Variants in USP12 observed in about 807,000 individuals in gnomAD.
The protein encoded by USP12 is ubiquitin carboxyl-terminal hydrolase 12.
Under a neutral mutation model 45.5 loss-of-function variants are expected in USP12, and 19 were observed. The observed-to-expected ratio is 0.42, with a 90% CI of 0.29 to 0.61. USP12 has a LOEUF of 0.61. USP12 is among the 20% of genes least tolerant of loss of function. The pLI, the probability that USP12 is intolerant of heterozygous loss-of-function variation, is 0.22. For synonymous variants in USP12, 149 were observed against 148.8 expected, an observed-to-expected ratio of 1.00 and a Z score of -0.01; for missense variants, 242 against 447.7, an observed-to-expected ratio of 0.54 and a Z score of 4.15.
At chr13:27,103,563 C>T (rs1349381041) in intron 3 of USP12, among the ~76,000 whole-genome samples, 3 of 135,100 alleles carry the variant, frequency 2.2e-5, no homozygotes, top group African/African-American at 8.2e-5. Context: ...TTCAATCTGC[C>T]TAAATACAAA....
At chr13:27,149,573 T>C (rs1157089196) in intron 1 of USP12, among the ~76,000 whole-genome samples, 2 of 152,194 alleles carry the variant, frequency 1.3e-5, no homozygotes, top group African/African-American at 4.8e-5. Context: ...TGTATTGATC[T>C]CATAAAACTA....
At chr13:27,090,556 T>C (rs1874263857) in intron 4 of USP12, among the ~76,000 whole-genome samples, 1 of 152,076 alleles carries the variant, frequency 6.6e-6, no homozygotes, top group Non-Finnish European at 1.5e-5. Flanking sequence ...AAAAAAAAAA[T>C]TTAGCCCAAA....
chr13:27,073,847 G>A (rs1270449710), intron 7 of USP12, among the ~76,000 whole-genome samples: 5 of 152,076 alleles, frequency 3.3e-5, no homozygotes, highest in Non-Finnish European at 2.9e-5. Flanking sequence ...TATGCATAAC[G>A]TTACACTGCC....
At chr13:27,125,902 G>T (rs1421046212) in intron 1 of USP12, among the ~76,000 whole-genome samples, 3 of 152,258 alleles carry the variant, frequency 2.0e-5, no homozygotes, top group East Asian at 1.9e-4. Flanking sequence ...TTGGCAGGGG[G>T]AGGGGCGTCC....
chr13:27,124,976 G>T (rs1356031875), intron 1 of USP12, among the ~76,000 whole-genome samples: 1 of 152,188 alleles, frequency 6.6e-6, no homozygotes, highest in Non-Finnish European at 1.5e-5. Context: ...GTGAAATTCA[G>T]TATCTGACTA....
intron 6 of USP12, among the ~76,000 whole-genome samples, chr13:27,083,346 G>A (rs1873851429): frequency 6.6e-6 from 1 of 152,156 alleles, no homozygotes. Flanking sequence ...ACAGAGGGTT[G>A]CCACAAACCT....
chr13:27,097,193 G>A (rs914889263), intron 3 of USP12, among the ~76,000 whole-genome samples: 12 of 150,828 alleles, frequency 8.0e-5, no homozygotes, highest in South Asian at 2.1e-4. Flanking sequence ...CAGGCCAAGC[G>A]CAGTGGCTCA....
At chr13:27,128,546 A>G (rs1876348648) in intron 1 of USP12, among the ~76,000 whole-genome samples, 1 of 152,236 alleles carries the variant, frequency 6.6e-6, no homozygotes, top group South Asian at 2.1e-4. Flanking sequence ...AAGGGTGGGC[A>G]AGATGTGTTT....
chr13:27,169,848 G>A (rs1260878607), intron 1 of USP12, among the ~76,000 whole-genome samples: 3 of 151,716 alleles, frequency 2.0e-5, no homozygotes, highest in Non-Finnish European at 2.9e-5. Flanking sequence ...ACTCAGCGTC[G>A]CCTCTAGCAC....
Position 27,129,547 on chromosome 13 carries a change from G to GACTCTGT in USP12, c.49-12958_49-12952dup, listed in dbSNP as rs1876396834. On this transcript the variant is annotated intron_variant, in intron 1 of 8. Coordinates refer to ENST00000282344, the MANE Select transcript of USP12 (RefSeq NM_182488.4). The surrounding 1 kb of genome is among the most constrained non-coding windows in gnomAD (Gnocchi z 4.0). Reference sequence around the variant, plus strand: ...TAGAGAAGGCTGGGCAACATAGCAAGACTCTGTCTCTACAGAGGATGTTGT... The same window carrying GACTCTGT: ...TAGAGAAGGCTGGGCAACATAGCAAGACTCTGTACTCTGTCTCTACAGAGGATGTTGT... Among the ~76,000 whole-genome samples, 1 of 152,136 alleles carries GACTCTGT rather than the reference G, an allele frequency of 6.6e-6. No individual in the cohort carries two copies. Among genetic ancestry groups the GACTCTGT allele is most frequent in the African/African-American group, 2.4e-5 (1 of 41,400 alleles).
intron 1 of USP12, among the ~76,000 whole-genome samples, chr13:27,159,762 G>A (rs1312361799): frequency 6.6e-6 from 1 of 152,158 alleles, no homozygotes; most frequent in African/African-American, 2.4e-5. Context: ...CCTTGGGAAA[G>A]CTAAAATTAC....
In USP12 at chr13:27,129,460, A is replaced by C. The variant is rs188018117; in HGVS notation, c.49-12864T>G. ...ATGCGTAGGCCAGGTGCAGTGGTTC[A>C]TGCCCATAATACCAGCACTTTGGGA... On this transcript the variant is annotated intron_variant, in intron 1 of 8. Coordinates refer to ENST00000282344, the MANE Select transcript of USP12 (RefSeq NM_182488.4). The surrounding 1 kb of genome is among the most constrained non-coding windows in gnomAD (Gnocchi z 4.0). 1.3e-5 allele frequency among the ~76,000 whole-genome samples: 2 copies of C among 152,362 alleles called. No homozygotes were observed. Among genetic ancestry groups the C allele is most frequent in the East Asian group, 3.9e-4 (2 of 5,188 alleles).
At chr13:27,171,087 A>AC (rs1468470247) in intron 1 of USP12, among the ~76,000 whole-genome samples, 4 of 146,340 alleles carry the variant, frequency 2.7e-5, no homozygotes, top group African/African-American at 1.0e-4. Flanking sequence ...CTGCCCGCCG[A>AC]CCCCCACCCC....
rs1435773058 is a variant in USP12, at chr13:27,129,185, C to T, written c.49-12589G>A. ...TAAGAAAGTGACCTGTAGCTCTTTC[C>T]GTGTCACTGAGACAACAGGAATATT... On this transcript the variant is annotated intron_variant, in intron 1 of 8. Transcript: ENST00000282344. The surrounding 1 kb of genome is among the most constrained non-coding windows in gnomAD (Gnocchi z 4.0). 1.3e-5 allele frequency among the ~76,000 whole-genome samples: 2 copies of T among 151,976 alleles called. No homozygotes were observed. The highest frequency in any genetic ancestry group is 2.4e-5 in the African/African-American group (1 of 41,378).
At chr13:27,132,109 C>G (rs192084320) in intron 1 of USP12, among the ~76,000 whole-genome samples, 228 of 152,300 alleles carry the variant, frequency 1.5e-3, no homozygotes, top group African/African-American at 5.2e-3. Flanking sequence ...TAAGCACATT[C>G]ACCTTTCCTG....
chr13:27,071,118 C>T lies in USP12; in HGVS notation c.964G>A (p.Val322Ile), dbSNP rs761617486. 15 of 1,609,350 alleles carry T rather than the reference C, an allele frequency of 9.3e-6. No homozygotes were observed. The South Asian group carries it at 1.6e-4, about 17-fold the overall frequency. Reference sequence around the variant, plus strand: ...AACAACCAAAAATCATGACTCTTAACTATTGCAATATAATGGCCTCGATTG... The same window carrying T: ...AACAACCAAAAATCATGACTCTTAATTATTGCAATATAATGGCCTCGATTG... ...GPNRGHYIAI[V>I]KSHDFWLLFD... Residue 322 changes from valine (V) to isoleucine (I), a missense_variant, in exon 8 of 9, where the codon GTT becomes ATT. Val to Ile is a conservative substitution (Grantham distance 29, BLOSUM62 3). Coordinates refer to ENST00000282344, the MANE Select transcript of USP12 (RefSeq NM_182488.4).
At chr13:27,122,043 G>A (rs1376809681) in intron 1 of USP12, among the ~76,000 whole-genome samples, 1 of 151,564 alleles carries the variant, frequency 6.6e-6, no homozygotes, top group African/African-American at 2.4e-5. Context: ...AAAACTCAAT[G>A]GTGTGGCCAG....
rs781550624 is a variant in USP12 at position 27,075,143 on chromosome 13, T to C, written c.932+48A>G. The C allele has an allele frequency of 3.2e-6, 5 of 1,583,732 alleles. No homozygotes were observed. The Admixed American group carries it at 6.8e-5, about 21-fold the overall frequency. On this transcript the variant is annotated intron_variant, in intron 7 of 8. Coordinates refer to ENST00000282344, the MANE Select transcript of USP12 (RefSeq NM_182488.4). ...CATGAACATCTTGAATGTACCCTGC[T>C]CTTCTAACCTAGGAATTCCACTACT...
At chr13:27,134,588 C>A (rs1382872659) in intron 1 of USP12, among the ~76,000 whole-genome samples, 1 of 151,678 alleles carries the variant, frequency 6.6e-6, no homozygotes, top group Non-Finnish European at 1.5e-5. Context: ...TCATTTTGAA[C>A]AACAAAGGGT....
Sources: allele counts gnomAD v4.1 joint callset (sites outside exome capture counted in the v4.1 genomes callset), GRCh38; gene constraint gnomAD v4.1.1; non-coding constraint Gnocchi (gnomAD v3.1); transcripts MANE v1.5; gene names NCBI Gene and HGNC (gene_info 2026-07-23, HGNC 2026-07-21).